SCAI: variants seen among roughly 807,000 people sequenced by gnomAD.
SCAI encodes the protein suppressor of cancer cell invasion, also known as protein SCAI.
A neutral mutation model predicts 92.2 loss-of-function variants in SCAI; 24 were observed. The observed-to-expected ratio is 0.26, with a 90% CI of 0.19 to 0.37. The LOEUF is 0.37. SCAI is among the 10% of genes least tolerant of loss of function. SCAI has a pLI of 1.00. For synonymous variants in SCAI, 261 were observed against 258.6 expected, an observed-to-expected ratio of 1.01 and a Z score of -0.09; for missense variants, 450 against 736.2, an observed-to-expected ratio of 0.61 and a Z score of 4.50.
chr9:124,955,984 C>T (rs1009317691), intron 17 of SCAI, among the ~76,000 whole-genome samples: 16 of 152,104 alleles, frequency 1.1e-4, no homozygotes, highest in Admixed American at 1.0e-3. Flanking sequence ...CTAATCTAAA[C>T]AAACTTTTTA....
intron 2 of SCAI, among the ~76,000 whole-genome samples, chr9:125,114,247 G>A (rs756575254): frequency 2.5e-4 from 38 of 152,082 alleles, no homozygotes; most frequent in South Asian, 1.0e-3. Flanking sequence ...GTTAGTAGTC[G>A]CTGGCATAAA....
intron 2 of SCAI, among the ~76,000 whole-genome samples, chr9:125,108,492 T>C (rs185830216): frequency 0.12 from 18,175 of 146,200 alleles, 1,429 homozygotes; most frequent in East Asian, 0.21. Flanking sequence ...CCGCCCCGTC[T>C]GGGATGTGAG....
At chr9:125,077,674 T>C (rs1291340370) in intron 2 of SCAI, among the ~76,000 whole-genome samples, 1 of 152,206 alleles carries the variant, frequency 6.6e-6, no homozygotes, top group Non-Finnish European at 1.5e-5. Flanking sequence ...GGGCTTTGTA[T>C]ATTTCCTTTG....
At chr9:124,991,351 CAAAAAAAAAA>C (rs34976572) in intron 14 of SCAI, among the ~76,000 whole-genome samples, 17 of 40,246 alleles carry the variant, frequency 4.2e-4, no homozygotes, top group African/African-American at 1.6e-3. Context: ...AACTCCGTCT[CAAAAAAAAAA>C]AAAAAAAAAA....
chr9:125,035,424 T>G (rs552705523), intron 3 of SCAI, among the ~76,000 whole-genome samples: 1 of 152,100 alleles, frequency 6.6e-6, no homozygotes, highest in African/African-American at 2.4e-5. Flanking sequence ...CTAGTGGGAA[T>G]GAAAATTTAC....
In SCAI at chr9:125,143,204, GA is replaced by G. The variant is rs1388360821; in HGVS notation, c.53+180del. On this transcript the variant is annotated intron_variant, in intron 1 of 17. Coordinates refer to ENST00000336505, the MANE Select transcript of SCAI (RefSeq NM_001144877.3). ...CACGCCCCTCTCACCTGGCCTCGAG[GA>G]GGCGATCGCGCCCAGCCCGCGCCGC... Among the ~76,000 whole-genome samples the G allele has an allele frequency of 2.2e-3, 326 of 151,316 alleles. 4 individuals are homozygous for G. The highest frequency in any genetic ancestry group is 3.8e-3 in the Non-Finnish European group (260 of 67,676).
At chr9:125,136,205 G>A (rs2131271794) in intron 2 of SCAI, among the ~76,000 whole-genome samples, 1 of 149,084 alleles carries the variant, frequency 6.7e-6, no homozygotes, top group East Asian at 2.0e-4. Context: ...CCACCTCCCA[G>A]TCTCAGCTGA....
intron 2 of SCAI, among the ~76,000 whole-genome samples, chr9:125,112,474 G>C (rs1336950904): frequency 6.6e-6 from 1 of 152,166 alleles, no homozygotes; most frequent in African/African-American, 2.4e-5. Context: ...TAACCGGCCA[G>C]ATAATAAATA....
intron 3 of SCAI, among the ~76,000 whole-genome samples, chr9:125,039,385 C>CAA (rs58716034): frequency 6.2e-4 from 30 of 48,254 alleles, no homozygotes; most frequent in Non-Finnish European, 9.0e-4. Flanking sequence ...GACTCCATCT[C>CAA]AAAAAAAAAA....
At chr9:125,044,201 C>T (rs923476704) in intron 3 of SCAI, among the ~76,000 whole-genome samples, 1 of 152,080 alleles carries the variant, frequency 6.6e-6, no homozygotes, top group African/African-American at 2.4e-5. Flanking sequence ...GGAGGCGGGC[C>T]TGGGGGGATA....
intron 14 of SCAI, among the ~76,000 whole-genome samples, chr9:124,980,336 T>G (rs1831859234): frequency 6.6e-6 from 1 of 151,936 alleles, no homozygotes; most frequent in African/African-American, 2.4e-5. Flanking sequence ...CCAATAATAC[T>G]GTGCAGAGAA....
intron 2 of SCAI, among the ~76,000 whole-genome samples, chr9:125,111,831 T>C (rs1834935605): frequency 6.6e-6 from 1 of 152,066 alleles, no homozygotes; most frequent in Non-Finnish European, 1.5e-5. Flanking sequence ...GCAGAGGCCC[T>C]GAGTTAAAAA....
chr9:125,072,258 A>G (rs941950900), intron 2 of SCAI, among the ~76,000 whole-genome samples: 3 of 152,112 alleles, frequency 2.0e-5, no homozygotes, highest in Non-Finnish European at 4.4e-5. Context: ...TCCTGACCTC[A>G]TGATCCGCCC....
chr9:125,091,008 C>T lies in SCAI; in HGVS notation c.99-35001G>A, dbSNP rs1834419315. The stretch of plus-strand genomic sequence containing the variant: ...TGGCAGGCGCCTGTAGTTCCAGCTA[C>T]TCCGGAGGCTGAGGCAGGAGAATAG... On this transcript the variant is annotated intron_variant, in intron 2 of 17. Coordinates refer to ENST00000336505, the MANE Select transcript of SCAI (RefSeq NM_001144877.3). The surrounding 1 kb of genome is among the most constrained non-coding windows in gnomAD (Gnocchi z 4.3). 2.0e-5 allele frequency among the ~76,000 whole-genome samples: 3 copies of T among 152,296 alleles called. No homozygotes were observed. In the South Asian group the frequency reaches 6.2e-4, roughly 32 times the overall value.
intron 7 of SCAI, among the ~76,000 whole-genome samples, chr9:125,020,277 C>T (rs1832845734): frequency 6.6e-6 from 1 of 152,094 alleles, no homozygotes; most frequent in African/African-American, 2.4e-5. Flanking sequence ...AGACTTTATG[C>T]AGACACTCTA....
chr9:125,104,949 C>T (rs916034446), intron 2 of SCAI, among the ~76,000 whole-genome samples: 1 of 148,870 alleles, frequency 6.7e-6, no homozygotes, highest in African/African-American at 2.5e-5. Flanking sequence ...CAGAGCAAGA[C>T]CCTGTCTCAA....
chr9:125,131,179 G>A (rs556799019), intron 2 of SCAI, among the ~76,000 whole-genome samples: 1 of 151,724 alleles, frequency 6.6e-6, no homozygotes, highest in South Asian at 2.1e-4. Context: ...GCCGAGGCGG[G>A]TGGATCACCT....
At chr9:125,049,628 T>C (rs150288097) in intron 3 of SCAI, among the ~76,000 whole-genome samples, 131 of 152,308 alleles carry the variant, frequency 8.6e-4, no homozygotes, top group African/African-American at 3.0e-3. Context: ...GCACATATTA[T>C]AAGAAGGTAT....
At chr9:125,001,020 G>T (rs1832348878) in intron 12 of SCAI, among the ~76,000 whole-genome samples, 1 of 151,998 alleles carries the variant, frequency 6.6e-6, no homozygotes, top group Non-Finnish European at 1.5e-5. Context: ...AAGAAAACTT[G>T]ATTTAACAGT....
Sources: gnomAD v4.1 joint callset for allele counts (sites outside exome capture counted in the v4.1 genomes callset) on GRCh38, gnomAD v4.1.1 for gene constraint, Gnocchi (gnomAD v3.1) non-coding constraint, MANE v1.5 for transcripts, NCBI Gene and HGNC (gene_info 2026-07-23, HGNC 2026-07-21) for gene names.